The following MED16 variants were observed in gnomAD, a reference collection of about 807,000 sequenced individuals.
MED16 encodes the protein mediator of RNA polymerase II transcription subunit 16.
In MED16, 81 loss-of-function variants were observed where a neutral mutation model predicts 84.4. That is an observed-to-expected ratio of 0.96 (90% CI 0.80 to 1.15). The LOEUF is 1.15. Among genes scored for constraint, MED16 ranks in the 50% most tolerant of loss-of-function variants. The pLI, the probability that MED16 is intolerant of heterozygous loss-of-function variation, is 0.00. For synonymous variants in MED16, 897 were observed against 552.2 expected (o/e 1.62, Z -8.76); for missense variants, 1,585 against 1,245.9 (o/e 1.27, Z -4.10).
chr19:873,571 C>G lies in MED16; in HGVS notation c.1783G>C (p.Val595Leu). Residue 595 changes from valine (V) to leucine (L), a missense_variant, in exon 11 of 16, where the codon GTC (valine) becomes CTC (leucine). Val to Leu is a conservative substitution (Grantham distance 32). Transcript: ENST00000325464. ...TKITDVDIDK[V>L]MINLKTEEFV... ...TCCTCCGTCTTGAGGTTGATCATGACCTTGTCAATGTCTACAAGGAGACGT... is the reference window on the plus strand; with the variant it reads ...TCCTCCGTCTTGAGGTTGATCATGAGCTTGTCAATGTCTACAAGGAGACGT... 2 of 1,612,386 alleles carry G rather than the reference C, an allele frequency of 1.2e-6. No homozygotes were observed. Among genetic ancestry groups the G allele is most frequent in the Non-Finnish European group, 1.7e-6 (2 of 1,179,682 alleles).
intron 6 of MED16, among the ~76,000 whole-genome samples, chr19:883,759 T>C (rs796446948): frequency 4.0e-4 from 61 of 152,192 alleles, no homozygotes; most frequent in African/African-American, 1.5e-3. Flanking sequence ...TGCAGGTCTG[T>C]GCAGCCACAC....
rs11546307 is a variant in MED16, at chr19:875,389, G to C, written c.1626C>G (p.Thr542=). ...SLCKLSPCTV[T]RVCDYHTKLF... The stretch of plus-strand genomic sequence containing the variant: ...GCTTGGTGTGGTAGTCGCACACGCG[G>C]GTCACCGTGCAGGGCGACAGCTTGC... Residue 542 remains threonine (T), a synonymous_variant, in exon 10 of 16, where the codon ACC becomes ACG. Transcript: ENST00000325464. The C allele has an allele frequency of 1.9e-6, 3 of 1,608,400 alleles. No homozygotes were observed. Among genetic ancestry groups the C allele is most frequent in the Non-Finnish European group, 2.5e-6 (3 of 1,179,628 alleles).
chr19:886,244 T>A (rs1334006725), intron 4 of MED16, 43 bp from the exon 5 acceptor site: 1 of 1,461,456 alleles, frequency 6.8e-7, no homozygotes, highest in Non-Finnish European at 9.0e-7. Flanking sequence ...CTCAGGCTCA[T>A]GGGGGCTGCC....
chr19:882,463 G>A (rs1308605633), intron 6 of MED16, among the ~76,000 whole-genome samples: 1 of 152,246 alleles, frequency 6.6e-6, no homozygotes, highest in African/African-American at 2.4e-5. Context: ...AGATGAGGCT[G>A]CAGTGAGCCA....
chr19:880,176 T>C (rs776779745), intron 7 of MED16, 28 bp from the exon 8 acceptor site: 8 of 1,589,718 alleles, frequency 5.0e-6, no homozygotes, highest in Non-Finnish European at 6.8e-6. Context: ...TGCTTAGACA[T>C]GGGCAGGGCC....
rs763503689 is a variant in MED16, at chr19:868,396, G to A, written c.2483+20C>T. 26 of 1,607,392 alleles carry A rather than the reference G, an allele frequency of 1.6e-5. No homozygotes were observed. The highest frequency in any genetic ancestry group is 5.5e-5 in the South Asian group (5 of 90,932). ...GCTCAGGGGTAGCTGAGGGGCACCCGCCACCAGAGCCCACCGCACAGGCAG... is the reference window on the plus strand; with the variant it reads ...GCTCAGGGGTAGCTGAGGGGCACCCACCACCAGAGCCCACCGCACAGGCAG... On this transcript the variant is annotated intron_variant, in intron 15 of 15. Transcript: ENST00000325464.
rs553443853 is a variant in MED16 at position 876,897 on chromosome 19, G to GCCCCCACCTGCCATGGGGC, written c.1560+76_1560+77insGCCCCATGGCAGGTGGGGG. Reference sequence around the variant, plus strand: ...CCACGGGGCCCCCACCTGCCACGGGGCCCCACCTGCCACGGGGCCCCCACC... The same window carrying GCCCCCACCTGCCATGGGGC: ...CCACGGGGCCCCCACCTGCCACGGGGCCCCCACCTGCCATGGGGCCCCCACCTGCCACGGGGCCCCCACC... On this transcript the variant is annotated intron_variant, in intron 9 of 15. Transcript: ENST00000325464. 28 of 1,358,386 alleles carry GCCCCCACCTGCCATGGGGC rather than the reference G, an allele frequency of 2.1e-5. No individual in the cohort carries two copies. In the African/African-American group the frequency reaches 4.2e-4, roughly 20 times the overall value. The allele number at this position is 1,358,386 out of a possible 1,614,324, so 84.1% of individuals were successfully genotyped here.
chr19:868,578 C>G (rs1399669044), intron 14 of MED16, 79 bp from the exon 15 acceptor site: 6 of 1,563,628 alleles, frequency 3.8e-6, no homozygotes. Context: ...TGCTTCCAGG[C>G]AGGTCTCCCT....
intron 9 of MED16, 50 bp from the exon 10 acceptor site, chr19:875,504 G>T (rs774150245): frequency 2.1e-6 from 3 of 1,449,378 alleles, no homozygotes; most frequent in Non-Finnish European, 2.8e-6. Flanking sequence ...AGAGGCGCCC[G>T]CCAAGGCTCC....
At chr19:889,242 T>C (rs970885794) in intron 4 of MED16, among the ~76,000 whole-genome samples, 2 of 151,696 alleles carry the variant, frequency 1.3e-5, no homozygotes, top group African/African-American at 4.8e-5. Context: ...ACAGGGAGCA[T>C]AGAGAGGGGC....
chr19:869,718 G>A (rs2036001687), intron 13 of MED16, among the ~76,000 whole-genome samples: 1 of 152,204 alleles, frequency 6.6e-6, no homozygotes, highest in East Asian at 1.9e-4. Flanking sequence ...CCGGAGCAGG[G>A]CTGCTGGAGG....
chr19:884,474 C>T (rs1016089956), intron 6 of MED16, among the ~76,000 whole-genome samples: 2 of 152,130 alleles, frequency 1.3e-5, no homozygotes, highest in Admixed American at 6.6e-5. Context: ...TGAGCCTTGG[C>T]TTCCTCTCCC....
chr19:874,177 G>T (rs1481453691), intron 10 of MED16, among the ~76,000 whole-genome samples: 1 of 152,144 alleles, frequency 6.6e-6, no homozygotes, highest in South Asian at 2.1e-4. Flanking sequence ...GCAGTGGGGT[G>T]ATCTCAGCTC....
intron 11 of MED16, among the ~76,000 whole-genome samples, chr19:872,450 G>A (rs377710036): frequency 6.2e-4 from 95 of 152,154 alleles, no homozygotes; most frequent in African/African-American, 2.1e-3. Flanking sequence ...CCGGGCCCCT[G>A]GTGACTGTAC....
At chr19:877,576 C>CAGGGGCTGCCG (rs1555716182) in intron 8 of MED16, among the ~76,000 whole-genome samples, 3 of 150,100 alleles carry the variant, frequency 2.0e-5, no homozygotes, top group Non-Finnish European at 3.0e-5. Flanking sequence ...GCAGCGCAGG[C>CAGGGGCTGCCG]AGGGGCTGGC....
chr19:868,951 C>CGGGAGAG lies in MED16; in HGVS notation c.2316-12_2316-6dup. On this transcript the variant is annotated splice_polypyrimidine_tract_variant and splice_region_variant and intron_variant, in intron 13 of 15. Coordinates refer to ENST00000325464, the MANE Select transcript of MED16 (RefSeq NM_005481.3). ...ATCTTGGGCTGGCCTGGGGCCCTGG[C>CGGGAGAG]GGGAGAGGGGAGAACGTGAGGGAGG... is the stretch of plus-strand genomic sequence containing the variant. 6.5e-7 allele frequency: 1 copy of CGGGAGAG among 1,534,592 alleles called. No homozygotes were observed. The highest frequency in any genetic ancestry group is 8.7e-7 in the Non-Finnish European group (1 of 1,147,852).
At chr19:872,755 AGGC>A (rs937846700) in intron 11 of MED16, among the ~76,000 whole-genome samples, 13 of 151,488 alleles carry the variant, frequency 8.6e-5, no homozygotes, top group Non-Finnish European at 1.5e-5. Context: ...CGCCCACCCC[AGGC>A]GCAGGGAGCT....
intron 11 of MED16, 23 bp from the exon 12 acceptor site, chr19:872,141 T>A (rs749858499): frequency 6.5e-7 from 1 of 1,532,186 alleles, no homozygotes; most frequent in Non-Finnish European, 8.8e-7. Context: ...GGCATCGGTG[T>A]GGCTGGGGCG....
At chr19:871,405 G>A in intron 12 of MED16, 152 bp from the exon 13 acceptor site, 2 of 1,326,288 alleles carry the variant, frequency 1.5e-6, no homozygotes, top group African/African-American at 2.9e-5. Flanking sequence ...TCTCTCACCA[G>A]GTCGGGGCCC....
Sources: gnomAD v4.1 joint callset for allele counts (sites outside exome capture counted in the v4.1 genomes callset) on GRCh38, gnomAD v4.1.1 for gene constraint, MANE v1.5 for transcripts, NCBI Gene and HGNC (gene_info 2026-07-23, HGNC 2026-07-21) for gene names.